Variants in RSRC1 observed in about 807,000 individuals in gnomAD.
RSRC1 encodes arginine and serine rich coiled-coil 1.
In RSRC1, 39 loss-of-function variants were observed where a neutral mutation model predicts 49.1. That is an observed-to-expected ratio of 0.79 (90% CI 0.61 to 1.04). The LOEUF (loss-of-function observed/expected upper bound fraction) is 1.04. RSRC1 is among the 50% of genes least tolerant of loss of function. The probability of loss-of-function intolerance (pLI) is 0.00; values close to 1 mark genes in which losing one functional copy is unlikely to be tolerated. For synonymous variants in RSRC1, 143 were observed against 130.8 expected, an observed-to-expected ratio of 1.09 and a Z score of -0.63; for missense variants, 388 against 402.4, an observed-to-expected ratio of 0.96 and a Z score of 0.31.
intron 6 of RSRC1, among the ~76,000 whole-genome samples, chr3:158,364,816 A>AAATAAT (rs59055843): frequency 0.14 from 20,595 of 144,070 alleles, 1,592 homozygotes; most frequent in South Asian, 0.19. Context: ...AGAATGGGAA[A>AAATAAT]AATAATAATA....
chr3:158,241,020 G>A (rs949035560), intron 4 of RSRC1, among the ~76,000 whole-genome samples: 5 of 152,050 alleles, frequency 3.3e-5, no homozygotes, highest in African/African-American at 1.2e-4. Flanking sequence ...GCTACCTAAT[G>A]TATAAACTAA....
intron 7 of RSRC1, among the ~76,000 whole-genome samples, chr3:158,461,580 A>G (rs769147470): frequency 5.3e-5 from 8 of 151,910 alleles, no homozygotes; most frequent in Non-Finnish European, 1.2e-4. Flanking sequence ...TCTGTGATTT[A>G]TGTGAGTGAA....
Position 158,508,285 on chromosome 3 carries a change from G to A in RSRC1, c.653-28807G>A, listed in dbSNP as rs938436608. 2.6e-5 allele frequency among the ~76,000 whole-genome samples: 4 copies of A among 151,838 alleles called. No homozygotes were observed. In the East Asian group the frequency reaches 5.8e-4, roughly 22 times the overall value. On this transcript the variant is annotated intron_variant, in intron 7 of 9. Transcript: ENST00000611884. ...AAAGATCTTCCTATTTCTGTTATTC[G>A]TTTTCCTTTTCCTCTGTTTCTCTTT... is the stretch of plus-strand genomic sequence containing the variant.
intron 8 of RSRC1, among the ~76,000 whole-genome samples, chr3:158,538,274 A>G (rs1036615823): frequency 3.3e-5 from 5 of 151,894 alleles, no homozygotes; most frequent in Non-Finnish European, 7.4e-5. Context: ...ACTACATGTT[A>G]GGCATAGGAC....
chr3:158,518,478 C>A (rs1214389382), intron 7 of RSRC1, among the ~76,000 whole-genome samples: 2 of 150,770 alleles, frequency 1.3e-5, no homozygotes, highest in Non-Finnish European at 2.9e-5. Flanking sequence ...GTGATCTCAA[C>A]AATACATTTA....
chr3:158,216,941 A>G (rs371205189), intron 4 of RSRC1, among the ~76,000 whole-genome samples: 6 of 151,716 alleles, frequency 4.0e-5, no homozygotes, highest in Admixed American at 6.6e-5. Flanking sequence ...CTTTTTCACT[A>G]AAGACTAGCA....
At chr3:158,463,633 A>G (rs1401147339) in intron 7 of RSRC1, among the ~76,000 whole-genome samples, 3 of 152,112 alleles carry the variant, frequency 2.0e-5, no homozygotes, top group African/African-American at 4.8e-5. Flanking sequence ...ACTCTCTGTT[A>G]TCTCAGAAAA....
intron 4 of RSRC1, among the ~76,000 whole-genome samples, chr3:158,266,910 C>T (rs1725221056): frequency 6.6e-6 from 1 of 152,046 alleles, no homozygotes; most frequent in Admixed American, 6.6e-5. Flanking sequence ...ACTACAGGAA[C>T]ACACCATTGT....
chr3:158,142,391 A>AT (rs1335422712), intron 3 of RSRC1, among the ~76,000 whole-genome samples: 1 of 152,190 alleles, frequency 6.6e-6, no homozygotes, highest in Non-Finnish European at 1.5e-5. Flanking sequence ...GGAATGGTTC[A>AT]TTGTGGAGTA....
At chr3:158,177,463 T>TA (rs1719296051) in intron 3 of RSRC1, among the ~76,000 whole-genome samples, 1 of 152,094 alleles carries the variant, frequency 6.6e-6, no homozygotes, top group Non-Finnish European at 1.5e-5. Context: ...TATGCAGCCG[T>TA]AAAAAATGGT....
intron 3 of RSRC1, among the ~76,000 whole-genome samples, chr3:158,202,232 C>T (rs1262224927): frequency 6.6e-6 from 1 of 152,112 alleles, no homozygotes; most frequent in East Asian, 1.9e-4. Context: ...CCAGGCTGGT[C>T]TCGGACCCCT....
chr3:158,201,835 T>C lies in RSRC1; in HGVS notation c.321-1237T>C, dbSNP rs1218499954. 2.0e-5 allele frequency among the ~76,000 whole-genome samples: 3 copies of C among 152,186 alleles called. 1 individual carries two copies. Among genetic ancestry groups the C allele is most frequent in the African/African-American group, 7.2e-5 (3 of 41,452 alleles). Reference sequence around the variant, plus strand: ...AGGGTTGCTCTTCATATGCTGTCTTTTCTTTTAAGAATAGAACACATTTTT... The same window carrying C: ...AGGGTTGCTCTTCATATGCTGTCTTCTCTTTTAAGAATAGAACACATTTTT... On this transcript the variant is annotated intron_variant, in intron 3 of 9. Coordinates refer to ENST00000611884, the MANE Select transcript of RSRC1 (RefSeq NM_001271838.2).
chr3:158,480,949 C>T (rs1177123496), intron 7 of RSRC1, among the ~76,000 whole-genome samples: 1 of 152,000 alleles, frequency 6.6e-6, no homozygotes, highest in Non-Finnish European at 1.5e-5. Context: ...ACTCTTGATA[C>T]TGCTCATCTG....
At chr3:158,501,839 C>T (rs1448321015) in intron 7 of RSRC1, among the ~76,000 whole-genome samples, 1 of 152,106 alleles carries the variant, frequency 6.6e-6, no homozygotes, top group Admixed American at 6.5e-5. Flanking sequence ...GCATTTAGGC[C>T]ATTTACATTC....
At chr3:158,164,671 T>C (rs1718434932) in intron 3 of RSRC1, among the ~76,000 whole-genome samples, 1 of 152,192 alleles carries the variant, frequency 6.6e-6, no homozygotes, top group Non-Finnish European at 1.5e-5. Context: ...GTAAGTTTTC[T>C]CTTTGATGGC....
At chr3:158,462,966 C>T (rs560049103) in intron 7 of RSRC1, among the ~76,000 whole-genome samples, 40 of 152,074 alleles carry the variant, frequency 2.6e-4, no homozygotes, top group African/African-American at 9.1e-4. Context: ...TACAGGATTA[C>T]AGAGGACTTA....
intron 8 of RSRC1, among the ~76,000 whole-genome samples, chr3:158,543,030 T>A (rs1035202614): frequency 6.6e-6 from 1 of 152,126 alleles, no homozygotes; most frequent in Non-Finnish European, 1.5e-5. Flanking sequence ...TAAGAAATGA[T>A]TGACATTTTC....
chr3:158,461,641 A>G (rs1025327908), intron 7 of RSRC1, among the ~76,000 whole-genome samples: 4 of 151,778 alleles, frequency 2.6e-5, no homozygotes, highest in African/African-American at 9.7e-5. Context: ...ACTGTTCTAA[A>G]TTACAGTGCT....
chr3:158,257,415 G>A (rs1231498134), intron 4 of RSRC1, among the ~76,000 whole-genome samples: 1 of 152,012 alleles, frequency 6.6e-6, no homozygotes, highest in South Asian at 2.1e-4. Context: ...CTTGTTTTAG[G>A]TTTTGTTTAG....
Sources: gnomAD v4.1 joint callset for allele counts (sites outside exome capture counted in the v4.1 genomes callset) on GRCh38, gnomAD v4.1.1 for gene constraint, MANE v1.5 for transcripts, NCBI Gene and HGNC (gene_info 2026-07-23, HGNC 2026-07-21) for gene names.